Variants in GBE1 observed in about 807,000 individuals in gnomAD.
GBE1 encodes 1,4-alpha-glucan branching enzyme 1, also known as 1,4-alpha-glucan-branching enzyme.
A neutral mutation model predicts 88.8 loss-of-function variants in GBE1; 70 were observed. That is an observed-to-expected ratio of 0.79 (90% CI 0.65 to 0.96). GBE1 has a LOEUF of 0.96. Among genes scored for constraint, GBE1 ranks in the 40% least tolerant of loss-of-function variants. The pLI, the probability that GBE1 is intolerant of heterozygous loss-of-function variation, is 0.00. For synonymous variants in GBE1, 284 were observed against 300.1 expected, an observed-to-expected ratio of 0.95 and a Z score of 0.56; for missense variants, 872 against 871.0, an observed-to-expected ratio of 1.00 and a Z score of -0.01.
intron 7 of GBE1, among the ~76,000 whole-genome samples, chr3:81,616,803 T>C (rs1276294167): frequency 6.6e-6 from 1 of 152,136 alleles, no homozygotes; most frequent in Non-Finnish European, 1.5e-5. Context: ...CTTTACTACT[T>C]TGAGTTGTCC....
At chr3:81,671,386 A>T (rs1705187368) in intron 2 of GBE1, among the ~76,000 whole-genome samples, 1 of 152,176 alleles carries the variant, frequency 6.6e-6, no homozygotes, top group Non-Finnish European at 1.5e-5. Context: ...TAAGAGTGTG[A>T]CAGAGCTGAC....
intron 13 of GBE1, among the ~76,000 whole-genome samples, chr3:81,536,281 A>C (rs1273223443): frequency 6.6e-6 from 1 of 151,994 alleles, no homozygotes; most frequent in African/African-American, 2.4e-5. Flanking sequence ...CCCCAGTATA[A>C]AGTAAATGGA....
chr3:81,666,776 T>A (rs1273169281), intron 3 of GBE1, among the ~76,000 whole-genome samples: 1 of 152,166 alleles, frequency 6.6e-6, no homozygotes, highest in Non-Finnish European at 1.5e-5. Flanking sequence ...ACAGAACTTA[T>A]CTAGAAAATA....
At chr3:81,514,495 C>T (rs1372857964) in intron 14 of GBE1, among the ~76,000 whole-genome samples, 3 of 151,426 alleles carry the variant, frequency 2.0e-5, no homozygotes, top group African/African-American at 7.3e-5. Context: ...GGCATTTTCC[C>T]ATCATTAGGC....
chr3:81,547,003 G>C (rs577414441), intron 12 of GBE1, among the ~76,000 whole-genome samples: 1 of 151,218 alleles, frequency 6.6e-6, no homozygotes, highest in Non-Finnish European at 1.5e-5. Context: ...TTGGGTAAGT[G>C]CTGGGGTCCA....
At chr3:81,722,346 T>C (rs1290380161) in intron 1 of GBE1, among the ~76,000 whole-genome samples, 1 of 152,078 alleles carries the variant, frequency 6.6e-6, no homozygotes, top group East Asian at 1.9e-4. Flanking sequence ...TATACTAATA[T>C]ATAGAAAAGT....
chr3:81,586,217 T>C (rs1388065057), intron 9 of GBE1, 27 bp from the exon 10 acceptor site: 1 of 1,372,278 alleles, frequency 7.3e-7, no homozygotes, highest in Admixed American at 2.0e-5. Context: ...CGGTTCATAA[T>C]GATCAAACTT....
intron 3 of GBE1, among the ~76,000 whole-genome samples, chr3:81,654,035 C>T (rs1364669011): frequency 2.0e-5 from 3 of 151,990 alleles, no homozygotes; most frequent in African/African-American, 7.2e-5. Context: ...TACAACTTAA[C>T]AAAATATATC....
At chr3:81,612,966 G>A (rs1409413666) in intron 7 of GBE1, 12 of 406,630 alleles carry the variant, frequency 3.0e-5, no homozygotes, top group East Asian at 1.3e-4. Flanking sequence ...CGATGATGAC[G>A]CAAAGGAGGA....
rs150735307 is a variant in GBE1, at chr3:81,490,655, C to T, written c.2053-192G>A. On this transcript the variant is annotated intron_variant, in intron 15 of 15. Coordinates refer to ENST00000429644, the MANE Select transcript of GBE1 (RefSeq NM_000158.4). ...TGGCAGCAACATGACTACCATAAAG[C>T]AACCACCACTAGAGGGCGCCATACG... is the stretch of plus-strand genomic sequence containing the variant. 3.6e-3 allele frequency among the ~76,000 whole-genome samples: 551 copies of T among 152,126 alleles called. 3 individuals are homozygous for T. The highest frequency in any genetic ancestry group is 5.8e-3 in the South Asian group (28 of 4,822).
chr3:81,493,558 G>C (rs1326259746), intron 15 of GBE1, among the ~76,000 whole-genome samples: 1 of 148,982 alleles, frequency 6.7e-6, no homozygotes, highest in East Asian at 2.0e-4. Context: ...TTTAGAAGGA[G>C]TTTCGCTCTT....
chr3:81,554,047 T>C (rs534387447), intron 12 of GBE1, among the ~76,000 whole-genome samples: 2 of 152,288 alleles, frequency 1.3e-5, no homozygotes, highest in African/African-American at 4.8e-5. Flanking sequence ...GAACCAGATA[T>C]TATTTTCTTA....
intron 7 of GBE1, among the ~76,000 whole-genome samples, chr3:81,598,887 T>C (rs1703994228): frequency 1.3e-5 from 2 of 151,988 alleles, no homozygotes; most frequent in Non-Finnish European, 1.5e-5. Flanking sequence ...CAATATCACA[T>C]AATTTTCTGG....
At chr3:81,612,915 G>A (rs1704201501) in intron 7 of GBE1, 2 of 388,962 alleles carry the variant, frequency 5.1e-6, no homozygotes, top group Admixed American at 6.4e-5. Context: ...TGATATGGAT[G>A]ATGAAGAAGG....
At chr3:81,740,244 T>A (rs896370897) in intron 1 of GBE1, among the ~76,000 whole-genome samples, 21 of 151,232 alleles carry the variant, frequency 1.4e-4, no homozygotes, top group African/African-American at 4.4e-4. Flanking sequence ...TAATAATAGA[T>A]TAACCAATAC....
intron 2 of GBE1, among the ~76,000 whole-genome samples, chr3:81,683,340 AG>A (rs1334857816): frequency 1.1e-4 from 16 of 152,220 alleles, no homozygotes; most frequent in Non-Finnish European, 2.2e-4. Flanking sequence ...GAATAAAATC[AG>A]GTTCTGTTGG....
chr3:81,500,925 G>A (rs990104293), intron 14 of GBE1, among the ~76,000 whole-genome samples: 1 of 152,064 alleles, frequency 6.6e-6, no homozygotes, highest in South Asian at 2.1e-4. Flanking sequence ...CCGTCCCTGC[G>A]TTAATTCAAC....
At position 81,640,610 on chromosome 3, in the gene GBE1, A is replaced by G. The variant is rs1176787842; in HGVS notation, c.992+2171T>C. Among the ~76,000 whole-genome samples, 4 of 151,698 alleles carry G rather than the reference A, an allele frequency of 2.6e-5. No individual in the cohort carries two copies. In the East Asian group the frequency reaches 7.7e-4, roughly 29 times the overall value. ...AATAAACTCCCCTTGATAAATACAT[A>G]TAGCTTCATATATAAATATATATAT... On this transcript the variant is annotated intron_variant, in intron 7 of 15. Transcript: ENST00000429644.
intron 12 of GBE1, among the ~76,000 whole-genome samples, chr3:81,560,869 G>A (rs539803627): frequency 4.0e-5 from 6 of 151,818 alleles, no homozygotes; most frequent in Non-Finnish European, 7.4e-5. Flanking sequence ...AATTGTAGAC[G>A]TATTTCCTAA....
Sources: gnomAD v4.1 joint callset for allele counts (sites outside exome capture counted in the v4.1 genomes callset) on GRCh38, gnomAD v4.1.1 for gene constraint, MANE v1.5 for transcripts, NCBI Gene and HGNC (gene_info 2026-07-23, HGNC 2026-07-21) for gene names.